COL5A2: variants seen among roughly 807,000 people sequenced by gnomAD.
COL5A2 encodes the protein collagen type V alpha 2 chain.
A neutral mutation model predicts 208.2 loss-of-function variants in COL5A2; 23 were observed. The observed-to-expected ratio is 0.11, with a 90% CI of 0.08 to 0.16. The LOEUF is 0.16. Ranked by LOEUF, COL5A2 falls within the 10% of genes least tolerant of loss-of-function variation. The pLI is 1.00. For missense variants in COL5A2, 1,590 were observed against 1,956.4 expected (o/e 0.81, Z 3.53); for synonymous variants, 625 against 628.5 (o/e 0.99, Z 0.08).
At chr2:189,361,048 T>C in the COL5A2 span, among the ~76,000 whole-genome samples, 9 of 152,164 alleles carry the variant, frequency 5.9e-5, no homozygotes, top group Middle Eastern at 3.4e-3. Context: ...AGATTTTCTG[T>C]GTGCTGTTGA....
chr2:189,114,971 C>T (rs943984541), intron 1 of COL5A2, among the ~76,000 whole-genome samples: 1 of 152,044 alleles, frequency 6.6e-6, no homozygotes, highest in Admixed American at 6.6e-5. Context: ...TTATGTTTAA[C>T]TTTCCTAAAA....
chr2:189,157,183 A>AT lies in COL5A2; in HGVS notation c.97+22324_97+22325insA, dbSNP rs139611336. On this transcript the variant is annotated intron_variant, in intron 1 of 53. Transcript: ENST00000374866. Reference sequence around the variant, plus strand: ...TAAGCATATATATATCTATATATATAGCTTAGCACATGAAGCCCCAAATAC... The same window carrying AT: ...TAAGCATATATATATCTATATATATATGCTTAGCACATGAAGCCCCAAATAC... 6.1e-3 allele frequency among the ~76,000 whole-genome samples: 603 copies of AT among 98,466 alleles called. 5 individuals carry two copies. Among genetic ancestry groups the AT allele is most frequent in the East Asian group, 0.028 (109 of 3,876 alleles). The allele number at this position is 98,466 out of a possible 152,430, so 64.6% of individuals were successfully genotyped here.
chr2:189,202,310 T>C (rs893423321), intron 1 of COL5A2, among the ~76,000 whole-genome samples: 1 of 152,082 alleles, frequency 6.6e-6, no homozygotes, highest in African/African-American at 2.4e-5. Context: ...ATGTTAAATG[T>C]AATTCACAGA....
rs568778616 is a variant in COL5A2, at chr2:189,167,117, C to T, written c.97+12391G>A. Among the ~76,000 whole-genome samples, 3 of 152,122 alleles carry T rather than the reference C, an allele frequency of 2.0e-5. No homozygotes were observed. The East Asian group carries it at 5.8e-4, about 29-fold the overall frequency. ...TTTCCCTTAAAAACTAAAAATAAGC[C>T]AGGTATTCAAAATTTTTTTCTTAGA... On this transcript the variant is annotated intron_variant, in intron 1 of 53. Transcript: ENST00000374866.
chr2:189,277,290 T>C, the COL5A2 span, among the ~76,000 whole-genome samples: 2 of 152,122 alleles, frequency 1.3e-5, no homozygotes, highest in South Asian at 4.1e-4. Context: ...TATATACAAA[T>C]GTAAGCCAAT....
rs1221309704 is a variant in COL5A2 at position 189,058,399 on chromosome 2, T to C, written c.2229+30A>G. 3 of 1,562,192 alleles carry C rather than the reference T, an allele frequency of 1.9e-6. No homozygotes were observed. In the African/African-American group the frequency reaches 4.1e-5, roughly 21 times the overall value. On this transcript the variant is annotated intron_variant, in intron 33 of 53. Transcript: ENST00000374866. ...TATTAAGCAGTAATTTTAAAGCATTTTAAAACACTGAGATCACTATGACAC... is the reference window on the plus strand; with the variant it reads ...TATTAAGCAGTAATTTTAAAGCATTCTAAAACACTGAGATCACTATGACAC...
chr2:189,105,127 A>G (rs10931396), intron 2 of COL5A2, among the ~76,000 whole-genome samples: 19,986 of 151,682 alleles, frequency 0.13, 1,344 homozygotes, highest in Middle Eastern at 0.19. Flanking sequence ...GGGTTTTCCT[A>G]GGCAAGCTAG....
the COL5A2 span, among the ~76,000 whole-genome samples, chr2:189,396,685 A>G: frequency 7.1e-6 from 1 of 141,596 alleles, no homozygotes; most frequent in South Asian, 2.3e-4. Context: ...AAAAAAAAAA[A>G]AAAAAAGAAT....
At chr2:189,204,025 G>A (rs1230239777) in intron 1 of COL5A2, among the ~76,000 whole-genome samples, 2 of 151,998 alleles carry the variant, frequency 1.3e-5, no homozygotes, top group Non-Finnish European at 2.9e-5. Context: ...AGCTTCCCGA[G>A]TAGCTGGGAC....
At position 189,034,213 on chromosome 2, in the gene COL5A2, G is replaced by A. The variant is rs760569641; in HGVS notation, c.4357C>T (p.Arg1453Trp). The A allele has an allele frequency of 1.8e-5, 29 of 1,613,542 alleles. No homozygotes were observed. The highest frequency in any genetic ancestry group is 2.2e-5 in the East Asian group (1 of 44,880). Residue 1453 changes from arginine to tryptophan, a missense_variant, in exon 54 of 54, where the codon CGG becomes TGG. Physicochemically the swap from Arg to Trp is moderately radical, Grantham distance 101. Transcript: ENST00000374866. ...ACAGTCTTGCCCACATTTCCATTCC[G>A]CTTCTGAAATTAAATGATGCAATGG... ...YIVLQDTCSKRNGNVGKTVFE... is the reference protein window; with the variant it reads ...YIVLQDTCSKWNGNVGKTVFE...
chr2:189,341,540 A>G, the COL5A2 span, among the ~76,000 whole-genome samples: 4 of 152,302 alleles, frequency 2.6e-5, no homozygotes, highest in East Asian at 7.7e-4. Context: ...TTCCACTTAA[A>G]TACTATATAA....
the COL5A2 span, among the ~76,000 whole-genome samples, chr2:189,247,215 A>C: frequency 6.6e-6 from 1 of 152,172 alleles, no homozygotes; most frequent in African/African-American, 2.4e-5. Context: ...GAAGTGTAAA[A>C]GTGAGGAGCA....
the COL5A2 span, among the ~76,000 whole-genome samples, chr2:189,300,428 A>G: frequency 6.6e-6 from 1 of 152,200 alleles, no homozygotes; most frequent in Non-Finnish European, 1.5e-5. Context: ...CACTGTATTT[A>G]AAAATAAAAA....
the COL5A2 span, among the ~76,000 whole-genome samples, chr2:189,363,167 C>A: frequency 2.0e-5 from 3 of 152,006 alleles, no homozygotes; most frequent in Non-Finnish European, 2.9e-5. Flanking sequence ...AAAAAAATTT[C>A]TTTCTGCATT....
chr2:189,300,358 CTG>C, the COL5A2 span, among the ~76,000 whole-genome samples: 1 of 152,156 alleles, frequency 6.6e-6, no homozygotes, highest in Non-Finnish European at 1.5e-5. Context: ...TCTAGAGAGA[CTG>C]TGTAAAATTG....
At chr2:189,152,952 G>A (rs1163908722) in intron 1 of COL5A2, among the ~76,000 whole-genome samples, 2 of 152,092 alleles carry the variant, frequency 1.3e-5, no homozygotes, top group Non-Finnish European at 2.9e-5. Flanking sequence ...AAAAAAAGTT[G>A]GGGGAAAAGA....
At chr2:189,123,694 T>C (rs1240334485) in intron 1 of COL5A2, among the ~76,000 whole-genome samples, 1 of 152,170 alleles carries the variant, frequency 6.6e-6, no homozygotes, top group Non-Finnish European at 1.5e-5. Flanking sequence ...ATTTAAGGCA[T>C]GTTGGAGTGA....
At chr2:189,052,659 C>T in intron 40 of COL5A2, 90 bp downstream of exon 40, 1 of 1,244,484 alleles carries the variant, frequency 8.0e-7, no homozygotes, top group Non-Finnish European at 1.2e-6. Flanking sequence ...TTATTTCAGT[C>T]TCAGATGAAA....
chr2:189,250,032 T>G, the COL5A2 span, among the ~76,000 whole-genome samples: 4 of 152,306 alleles, frequency 2.6e-5, no homozygotes, highest in East Asian at 7.7e-4. Context: ...TGAGTATGGT[T>G]GTAAATGAAG....
Sources: gnomAD v4.1 joint callset for allele counts (sites outside exome capture counted in the v4.1 genomes callset) on GRCh38, gnomAD v4.1.1 for gene constraint, MANE v1.5 for transcripts, NCBI Gene and HGNC (gene_info 2026-07-23, HGNC 2026-07-21) for gene names.